The following ATM variants were observed in gnomAD, a reference collection of about 807,000 sequenced individuals.
The protein encoded by ATM is serine-protein kinase ATM.
Under a neutral mutation model 387.0 loss-of-function variants are expected in ATM, and 308 were observed. The observed-to-expected ratio is 0.80, with a 90% CI of 0.73 to 0.87. ATM has a LOEUF of 0.87. ATM is among the 40% of genes least tolerant of loss of function. ATM has a pLI of 0.00. For missense variants in ATM, 3,312 were observed against 3,560.9 expected (o/e 0.93, Z 1.78); for synonymous variants, 1,156 against 1,187.3 (o/e 0.97, Z 0.54).
At chr11:108,331,284 C>A (rs2086205069) in intron 50 of ATM, 160 bp from the exon 51 acceptor site, 2 of 1,383,652 alleles carry the variant, frequency 1.4e-6, no homozygotes, top group African/African-American at 2.9e-5. Flanking sequence ...GAAAGACCTT[C>A]AGATAAGAAA....
At chr11:108,235,026 T>G (rs991865450) in intron 4 of ATM, among the ~76,000 whole-genome samples, 1 of 152,116 alleles carries the variant, frequency 6.6e-6, no homozygotes, top group African/African-American at 2.4e-5. Flanking sequence ...AATTGTGAAT[T>G]ATTAAGGTTA....
At chr11:108,241,696 G>T (rs985698152) in intron 5 of ATM, among the ~76,000 whole-genome samples, 3 of 144,724 alleles carry the variant, frequency 2.1e-5, no homozygotes, top group Non-Finnish European at 4.5e-5. Context: ...TGCATTTAAG[G>T]TTCCTCCATG....
chr11:108,311,347 GA>G (rs1488600387), intron 39 of ATM, among the ~76,000 whole-genome samples: 3 of 152,070 alleles, frequency 2.0e-5, no homozygotes, highest in South Asian at 4.1e-4. Flanking sequence ...GGATCGGTAG[GA>G]AGCCTTATAT....
intron 15 of ATM, among the ~76,000 whole-genome samples, chr11:108,258,723 T>G (rs953379265): frequency 6.6e-6 from 1 of 152,176 alleles, no homozygotes; most frequent in Non-Finnish European, 1.5e-5. Flanking sequence ...AGGAGAAAAG[T>G]AGAATAAACT....
intron 6 of ATM, 123 bp downstream of exon 6, chr11:108,244,241 C>G: frequency 8.8e-7 from 1 of 1,132,102 alleles, no homozygotes; most frequent in Non-Finnish European, 1.3e-6. Context: ...CATAACAGAA[C>G]TAGTGGATTC....
At chr11:108,254,280 G>GTA (rs1236259616) in intron 13 of ATM, among the ~76,000 whole-genome samples, 1 of 152,162 alleles carries the variant, frequency 6.6e-6, no homozygotes, top group African/African-American at 2.4e-5. Flanking sequence ...AATTCCTTGT[G>GTA]TAGGTTAGTG....
At chr11:108,260,927 G>A (rs911543857) in intron 16 of ATM, among the ~76,000 whole-genome samples, 4 of 151,846 alleles carry the variant, frequency 2.6e-5, no homozygotes, top group African/African-American at 4.8e-5. Flanking sequence ...GCTCTTTTGC[G>A]ACGGGCTTAA....
rs937441527 is a variant in ATM at position 108,235,974 on chromosome 11, C to T, written c.496+140C>T. On this transcript the variant is annotated intron_variant, in intron 5 of 62. Transcript: ENST00000675843. The stretch of plus-strand genomic sequence containing the variant: ...TACTTTAGTAAAATTATATGGTTAT[C>T]GAACTGACCCTTAATTTTTATTTAT... 9.3e-6 allele frequency: 8 copies of T among 860,498 alleles called. No homozygotes were observed. In the African/African-American group the frequency reaches 1.0e-4, roughly 11 times the overall value. The allele number at this position is 860,498 out of a possible 1,614,324, so 53.3% of individuals were successfully genotyped here.
chr11:108,272,625 T>C lies in ATM; in HGVS notation c.3153+18T>C, dbSNP rs1555085921. ...TGCTTGAGGTGAGTTTTTGCATTTT[T>C]TTAGTAAGATCTCCATTGAAAATTT... is the stretch of plus-strand genomic sequence containing the variant. On this transcript the variant is annotated intron_variant, in intron 21 of 62. Coordinates refer to ENST00000675843, the MANE Select transcript of ATM (RefSeq NM_000051.4). 1 of 1,613,148 alleles carries C rather than the reference T, an allele frequency of 6.2e-7. No individual in the cohort carries two copies. Among genetic ancestry groups the C allele is most frequent in the Non-Finnish European group, 8.5e-7 (1 of 1,179,286 alleles).
In ATM at chr11:108,293,403, C is replaced by T. The variant is rs753269143; in HGVS notation, c.4702C>T (p.His1568Tyr). ...TAAGCTTTTAGATCCTTTTCCTGAC[C>T]ATGTTGTTTTTAAGGATTTGCGTAT... ...TIKLLDPFPD[H>Y]VVFKDLRITQ... Residue 1568 changes from histidine (H) to tyrosine (Y), a missense_variant, in exon 31 of 63, where the codon CAT (histidine) becomes TAT (tyrosine). Physicochemically the swap from His to Tyr is moderately conservative, Grantham distance 83 (BLOSUM62 2). Transcript: ENST00000675843. The T allele has an allele frequency of 6.2e-6, 10 of 1,610,970 alleles. No individual in the cohort carries two copies. In the Admixed American group the frequency reaches 1.5e-4, roughly 24 times the overall value.
At chr11:108,301,572 T>G in intron 34 of ATM, 76 bp from the exon 35 acceptor site, 1 of 1,580,908 alleles carries the variant, frequency 6.3e-7, no homozygotes, top group Non-Finnish European at 8.7e-7. Flanking sequence ...AGTTTTGAAA[T>G]TTTTTCAGTG....
chr11:108,289,127 T>A (rs752339638), intron 28 of ATM, 24 bp downstream of exon 28: 1 of 1,592,426 alleles, frequency 6.3e-7, no homozygotes, highest in Admixed American at 1.7e-5. Flanking sequence ...ATGAGTTTAA[T>A]AATAGAACAT....
intron 47 of ATM, 148 bp from the exon 48 acceptor site, chr11:108,327,497 T>C (rs183161309): frequency 1.6e-6 from 1 of 630,672 alleles, no homozygotes; most frequent in Admixed American, 2.5e-5. Context: ...AAAATAGTTG[T>C]ATGGCAAAAG....
Position 108,321,421 on chromosome 11 carries a change from G to A in ATM, c.6572+1G>A, listed in dbSNP as rs587779856. 2 of 1,614,046 alleles carry A rather than the reference G, an allele frequency of 1.2e-6. No individual in the cohort carries two copies. The highest frequency in any genetic ancestry group is 1.7e-6 in the Non-Finnish European group (2 of 1,179,962). On this transcript the variant is annotated splice_donor_variant, in intron 45 of 62. Transcript: ENST00000675843. LOFTEE classifies it high-confidence loss of function. ...AAAGCATTGGGGAGCTTTTCTCAAG[G>A]TATGTAATTCGTATGACTTTGTTAT...
Position 108,299,761 on chromosome 11 carries a change from A to T in ATM, c.5053A>T (p.Thr1685Ser). 6.2e-7 allele frequency: 1 copy of T among 1,613,998 alleles called. No homozygotes were observed. Among genetic ancestry groups the T allele is most frequent in the Non-Finnish European group, 8.5e-7 (1 of 1,179,924 alleles). ...LGEVGPIDFS[T>S]IAIQHSKDAS... ...AGAAGTGGGTCCTATAGATTTCTCT[A>T]CCATAGCTATACAACATAGTAAAGA... Residue 1685 changes from threonine to serine, a missense_variant, in exon 34 of 63, where the codon ACC becomes TCC. By Grantham distance (58) the Thr-to-Ser change is moderately conservative (BLOSUM62 1). This residue lies in a region of ATM where 1,405 missense variants were observed against 1,604.4 expected (regional missense o/e 0.88). Transcript: ENST00000675843.
rs878853528 is a variant in ATM, at chr11:108,316,055, T to G, written c.6140T>G (p.Val2047Gly). 1 of 1,614,184 alleles carries G rather than the reference T, an allele frequency of 6.2e-7. No individual in the cohort carries two copies. The highest frequency in any genetic ancestry group is 1.1e-5 in the South Asian group (1 of 91,080). Residue 2047 changes from valine (V) to glycine (G), a missense_variant, in exon 42 of 63, where the codon GTA becomes GGA. Val to Gly is a moderately radical substitution (Grantham distance 109). This residue lies in a region of ATM where 1,405 missense variants were observed against 1,604.4 expected (regional missense o/e 0.88). Transcript: ENST00000675843. ...EHEAMWGKAL[V>G]TYDLETAIPS... is the part of the protein sequence containing the mutation. ...GAAGCAATGTGGGGCAAAGCCCTAGTAACATATGACCTCGAAACAGCAATC... is the reference window on the plus strand; with the variant it reads ...GAAGCAATGTGGGGCAAAGCCCTAGGAACATATGACCTCGAAACAGCAATC...
intron 38 of ATM, 43 bp from the exon 39 acceptor site, chr11:108,310,117 A>C (rs1433982443): frequency 6.3e-7 from 1 of 1,580,826 alleles, no homozygotes; most frequent in Non-Finnish European, 8.7e-7. Flanking sequence ...TTTGATATTG[A>C]AGTTTAAAAA....
intron 4 of ATM, 139 bp downstream of exon 4, chr11:108,229,462 A>T (rs1026979189): frequency 1.2e-6 from 1 of 831,428 alleles, no homozygotes; most frequent in Non-Finnish European, 1.9e-6. Context: ...GTTGAGTGTA[A>T]GTACATATAA....
chr11:108,290,638 C>G (rs1278782655), intron 29 of ATM: 2 of 68,670 alleles, frequency 2.9e-5, no homozygotes, highest in African/African-American at 1.3e-4. Flanking sequence ...ACTCTTGTCT[C>G]AAAAAAAAAA....
Sources: allele counts gnomAD v4.1 joint callset (sites outside exome capture counted in the v4.1 genomes callset), GRCh38; gene constraint gnomAD v4.1.1; regional missense constraint gnomAD v4.1.1; transcripts MANE v1.5; gene names NCBI Gene and HGNC (gene_info 2026-07-23, HGNC 2026-07-21).